AKAP6: variants seen among roughly 807,000 people sequenced by gnomAD.
AKAP6 encodes the protein A-kinase anchoring protein 6.
In AKAP6, 58 loss-of-function variants were observed where a neutral mutation model predicts 188.5. The observed-to-expected ratio is 0.31, with a 90% CI of 0.25 to 0.38. The LOEUF (loss-of-function observed/expected upper bound fraction) is 0.38. Ranked by LOEUF, AKAP6 falls within the 10% of genes least tolerant of loss-of-function variation. AKAP6 has a pLI of 1.00. For synonymous variants in AKAP6, 989 were observed against 998.6 expected (o/e 0.99, Z 0.18); for missense variants, 2,710 against 2,740.0 (o/e 0.99, Z 0.24).
At chr14:32,735,970 G>A (rs1308530437) in intron 11 of AKAP6, 88 bp downstream of exon 11, 4 of 961,578 alleles carry the variant, frequency 4.2e-6, no homozygotes, top group Non-Finnish European at 6.2e-6. Flanking sequence ...TTATACCCAT[G>A]TATCTGTGTA....
At chr14:32,511,550 A>G (rs1881263740) in intron 2 of AKAP6, among the ~76,000 whole-genome samples, 1 of 151,728 alleles carries the variant, frequency 6.6e-6, no homozygotes, top group South Asian at 2.1e-4. Context: ...TAATTTTTGT[A>G]TTTTTTAATA....
intron 1 of AKAP6, among the ~76,000 whole-genome samples, chr14:32,423,487 T>G (rs1439639005): frequency 1.3e-5 from 2 of 152,142 alleles, no homozygotes; most frequent in Admixed American, 6.6e-5. Context: ...CCATAACTTA[T>G]TTTTATTAAC....
At chr14:32,698,885 C>G (rs1056226621) in intron 9 of AKAP6, among the ~76,000 whole-genome samples, 2 of 152,066 alleles carry the variant, frequency 1.3e-5, no homozygotes. Context: ...TGAGTGATGG[C>G]AAAAATCCTA....
intron 1 of AKAP6, among the ~76,000 whole-genome samples, chr14:32,407,622 T>C (rs547242566): frequency 6.6e-6 from 1 of 152,336 alleles, no homozygotes; most frequent in Admixed American, 6.5e-5. Context: ...TGCTTCTTCC[T>C]TTGTTCCGCT....
At chr14:32,358,315 G>T (rs1438491739) in intron 1 of AKAP6, among the ~76,000 whole-genome samples, 3 of 152,158 alleles carry the variant, frequency 2.0e-5, no homozygotes, top group Non-Finnish European at 4.4e-5. Flanking sequence ...TCTTACACTT[G>T]CTTAGTTCAG....
At chr14:32,618,511 A>G (rs1018522038) in intron 7 of AKAP6, among the ~76,000 whole-genome samples, 6 of 152,178 alleles carry the variant, frequency 3.9e-5, no homozygotes, top group Non-Finnish European at 8.8e-5. Flanking sequence ...CCAAGTTGGT[A>G]CAAAAGACAT....
chr14:32,699,836 A>G (rs1455753580), intron 9 of AKAP6, among the ~76,000 whole-genome samples: 1 of 152,200 alleles, frequency 6.6e-6, no homozygotes, highest in Non-Finnish European at 1.5e-5. Flanking sequence ...CTTCCTAAGT[A>G]GGACAATTTA....
intron 9 of AKAP6, among the ~76,000 whole-genome samples, chr14:32,729,205 G>C (rs2031044314): frequency 6.6e-6 from 1 of 151,886 alleles, no homozygotes; most frequent in African/African-American, 2.4e-5. Flanking sequence ...TTTCCATGGT[G>C]ACAATTAACA....
chr14:32,745,887 T>A (rs539473691), intron 11 of AKAP6, among the ~76,000 whole-genome samples: 1 of 152,274 alleles, frequency 6.6e-6, no homozygotes, highest in African/African-American at 2.4e-5. Flanking sequence ...AATCACAAGA[T>A]GCAGTTCTTC....
intron 4 of AKAP6, among the ~76,000 whole-genome samples, chr14:32,569,258 T>C (rs1007986779): frequency 2.6e-5 from 4 of 152,232 alleles, no homozygotes; most frequent in Admixed American, 2.6e-4. Flanking sequence ...TTTTATATTC[T>C]AAAGCCTTCT....
chr14:32,404,711 T>TATATATA (rs1555325855), intron 1 of AKAP6, among the ~76,000 whole-genome samples: 14 of 128,498 alleles, frequency 1.1e-4, no homozygotes, highest in South Asian at 2.6e-4. Context: ...TATATATATA[T>TATATATA]TAGTCAGAAT....
At chr14:32,612,486 A>C (rs1886389217) in intron 7 of AKAP6, among the ~76,000 whole-genome samples, 1 of 152,124 alleles carries the variant, frequency 6.6e-6, no homozygotes, top group African/African-American at 2.4e-5. Context: ...TCATGGCACA[A>C]TCCCATCTTA....
At chr14:32,772,725 A>T (rs1472785163) in intron 11 of AKAP6, among the ~76,000 whole-genome samples, 1 of 152,192 alleles carries the variant, frequency 6.6e-6, no homozygotes, top group Non-Finnish European at 1.5e-5. Flanking sequence ...CTCTCACACT[A>T]AATGAAATTG....
chr14:32,433,717 C>A lies in AKAP6; in HGVS notation c.224C>A (p.Thr75Asn), dbSNP rs749197104. 28 of 1,614,102 alleles carry A rather than the reference C, an allele frequency of 1.7e-5. No homozygotes were observed. The Admixed American group carries it at 2.3e-4, about 13-fold the overall frequency. Residue 75 changes from threonine to asparagine, a missense_variant, in exon 2 of 14, where the codon ACC becomes AAC. This residue lies in a region of AKAP6 where 237 missense variants were observed against 313.9 expected (regional missense o/e 0.76). Transcript: ENST00000280979. Reference protein sequence around the residue: ...KIVLHLPEIETWLRMTSERVR... With the variant: ...KIVLHLPEIENWLRMTSERVR... ...GTCCTCCACTTACCTGAAATTGAGA[C>A]CTGGCTCCGGATGACCTCAGAGAGG...
chr14:32,679,483 G>T (rs961169969), intron 8 of AKAP6, among the ~76,000 whole-genome samples: 1 of 152,138 alleles, frequency 6.6e-6, no homozygotes, highest in Admixed American at 6.5e-5. Context: ...ATTTCTTAAA[G>T]TGACAAGAGG....
At chr14:32,562,476 G>A (rs1883996773) in intron 4 of AKAP6, among the ~76,000 whole-genome samples, 1 of 152,166 alleles carries the variant, frequency 6.6e-6, no homozygotes, top group Non-Finnish European at 1.5e-5. Context: ...TAAAGTTTCA[G>A]GCCAGGCCCA....
chr14:32,336,973 C>T (rs1886725194), intron 1 of AKAP6, among the ~76,000 whole-genome samples: 3 of 152,200 alleles, frequency 2.0e-5, no homozygotes, highest in African/African-American at 7.2e-5. Flanking sequence ...TGATATGTCC[C>T]TTGGAAGAAA....
chr14:32,669,891 G>A (rs1171940609), intron 7 of AKAP6, among the ~76,000 whole-genome samples: 1 of 152,120 alleles, frequency 6.6e-6, no homozygotes, highest in African/African-American at 2.4e-5. Context: ...GAGGTCAGGA[G>A]TTTGAGACCA....
intron 7 of AKAP6, among the ~76,000 whole-genome samples, chr14:32,676,066 C>G (rs1380194427): frequency 2.0e-5 from 3 of 152,114 alleles, no homozygotes; most frequent in African/African-American, 7.2e-5. Flanking sequence ...AACAGGAACC[C>G]TTAGATATCA....
Sources: allele counts gnomAD v4.1 joint callset (sites outside exome capture counted in the v4.1 genomes callset), GRCh38; gene constraint gnomAD v4.1.1; regional missense constraint gnomAD v4.1.1; transcripts MANE v1.5; gene names NCBI Gene and HGNC (gene_info 2026-07-23, HGNC 2026-07-21).